Variants in NAMPT observed in about 807,000 individuals in gnomAD.
NAMPT encodes nicotinamide phosphoribosyltransferase.
A neutral mutation model predicts 58.7 loss-of-function variants in NAMPT; 7 were observed. The ratio of observed to expected loss-of-function variants is 0.12; its 90% CI spans 0.07 to 0.22. The LOEUF (loss-of-function observed/expected upper bound fraction) is 0.22, where lower values mean the gene tolerates loss of function less well. Ranked by LOEUF, NAMPT falls within the 10% of genes least tolerant of loss-of-function variation. NAMPT has a pLI of 1.00. For synonymous variants in NAMPT, 145 were observed against 198.1 expected (o/e 0.73, Z 2.25); for missense variants, 271 against 567.9 (o/e 0.48, Z 5.31).
Position 106,253,002 on chromosome 7 carries a change from A to G in NAMPT, c.1365+15T>C. 6.2e-7 allele frequency: 1 copy of G among 1,605,262 alleles called. No individual in the cohort carries two copies. On this transcript the variant is annotated intron_variant, in intron 10 of 10. Coordinates refer to ENST00000222553, the MANE Select transcript of NAMPT (RefSeq NM_005746.3). Reference sequence around the variant, plus strand: ...CTACTATTGCTTAAAAAAACCAATCAGCATAGATACATACCTGACCATATT... The same window carrying G: ...CTACTATTGCTTAAAAAAACCAATCGGCATAGATACATACCTGACCATATT...
intron 8 of NAMPT, chr7:106,261,363 C>A (rs1586015488): frequency 4.9e-6 from 2 of 407,750 alleles, no homozygotes; most frequent in Non-Finnish European, 9.0e-6. Context: ...TTAGATTCAT[C>A]ATTCAGGGTG....
intron 10 of NAMPT, among the ~76,000 whole-genome samples, 195 bp from the exon 11 acceptor site, chr7:106,251,388 T>C (rs10279997): frequency 0.012 from 1,824 of 152,238 alleles, 42 homozygotes; most frequent in African/African-American, 0.042. Flanking sequence ...AGTTGCCTGG[T>C]ATGTAGAAAT....
chr7:106,259,576 T>C (rs1053530610), intron 8 of NAMPT, among the ~76,000 whole-genome samples: 2 of 151,932 alleles, frequency 1.3e-5, no homozygotes, highest in African/African-American at 4.8e-5. Flanking sequence ...AGGCATGCAT[T>C]GCCCCACCCA....
upstream of NAMPT, chr7:106,285,293 C>T (rs963208819): frequency 3.2e-5 from 22 of 693,638 alleles, no homozygotes; most frequent in East Asian, 1.6e-3. Context: ...GCGGGGCAGC[C>T]CCGGCGCGTG....
At chr7:106,279,125 T>C (rs1340196513) in intron 1 of NAMPT, among the ~76,000 whole-genome samples, 2 of 152,094 alleles carry the variant, frequency 1.3e-5, no homozygotes, top group African/African-American at 2.4e-5. Flanking sequence ...ATTTATAATT[T>C]TAAAGCTTCA....
intron 10 of NAMPT, 23 bp from the exon 11 acceptor site, chr7:106,251,216 AT>A (rs758269010): frequency 8.3e-6 from 12 of 1,444,032 alleles, no homozygotes; most frequent in Non-Finnish European, 1.2e-5. Context: ...AAATTTCATG[AT>A]TATATTACAT....
chr7:106,259,789 T>C (rs1473025462), intron 8 of NAMPT, among the ~76,000 whole-genome samples: 1 of 152,152 alleles, frequency 6.6e-6, no homozygotes, highest in South Asian at 2.1e-4. Flanking sequence ...GAACGGACGT[T>C]GTGTTAGCAG....
rs1418366667 is a variant in NAMPT, at chr7:106,250,796, A to T, written c.*287T>A. ...TTTATGTGATCATCAGTTATATATA[A>T]AAGTTTCTCAGTTCTGTTATTTGTG... On this transcript the variant is annotated 3_prime_UTR_variant, in exon 11 of 11. Transcript: ENST00000222553. 3.1e-6 allele frequency: 1 copy of T among 321,914 alleles called. No homozygotes were observed. The highest frequency in any genetic ancestry group is 2.2e-5 in the African/African-American group (1 of 45,754). The allele number at this position is 321,914 out of a possible 1,614,324, so 19.9% of individuals were successfully genotyped here. A position where few individuals can be genotyped will look rare whatever the true frequency, so the allele number is the denominator to read the frequency against.
At chr7:106,272,837 AATT>A (rs759439061) in intron 3 of NAMPT, among the ~76,000 whole-genome samples, 179 bp from the exon 4 acceptor site, 3 of 152,228 alleles carry the variant, frequency 2.0e-5, no homozygotes, top group Non-Finnish European at 2.9e-5. Context: ...AACTAGTTAA[AATT>A]ATTAACATAC....
At chr7:106,257,069 G>A (rs900013989) in intron 8 of NAMPT, among the ~76,000 whole-genome samples, 4 of 151,528 alleles carry the variant, frequency 2.6e-5, no homozygotes, top group African/African-American at 7.3e-5. Flanking sequence ...CCAGCTACCC[G>A]AGAAGCAGAG....
intron 2 of NAMPT, chr7:106,276,720 TA>T: frequency 2.1e-5 from 6 of 287,542 alleles, no homozygotes; most frequent in South Asian, 1.0e-4. Flanking sequence ...TGCATGCCTG[TA>T]ATCCCATCTA....
Position 106,281,667 on chromosome 7 carries a change from A to C in NAMPT, c.57+3161T>G, listed in dbSNP as rs1444208552. Among the ~76,000 whole-genome samples, 5 of 152,230 alleles carry C rather than the reference A, an allele frequency of 3.3e-5. No individual in the cohort carries two copies. In the South Asian group the frequency reaches 8.3e-4, roughly 25 times the overall value. The stretch of plus-strand genomic sequence containing the variant: ...TTTCAGTATTATTTAAGATTTCTTA[A>C]ACCCTGGAAATCTGTCTGTTGCCCC... On this transcript the variant is annotated intron_variant, in intron 1 of 10. Coordinates refer to ENST00000222553, the MANE Select transcript of NAMPT (RefSeq NM_005746.3).
At position 106,269,104 on chromosome 7, in the gene NAMPT, C is replaced by A. The variant is rs1586020791; in HGVS notation, c.606+50G>T. 3.3e-6 allele frequency: 5 copies of A among 1,538,204 alleles called. 1 individual carries two copies. The highest frequency in any genetic ancestry group is 8.8e-7 in the Non-Finnish European group (1 of 1,136,786). ...GTCCCCAAAAGTTTACAGTGGTACT[C>A]TAACCAACAATCCACATTATATTAA... is the stretch of plus-strand genomic sequence containing the variant. On this transcript the variant is annotated intron_variant, in intron 5 of 10. Transcript: ENST00000222553.
Position 106,270,721 on chromosome 7 carries a change from T to A in NAMPT, c.448-1409A>T, listed in dbSNP as rs541833012. On this transcript the variant is annotated intron_variant, in intron 4 of 10. Coordinates refer to ENST00000222553, the MANE Select transcript of NAMPT (RefSeq NM_005746.3). The stretch of plus-strand genomic sequence containing the variant: ...CCTCTTCTGGAGTGAGACCCGGTAG[T>A]CCCAGCTATCTGACCTGAGGCCCCA... Among the ~76,000 whole-genome samples, 133 of 152,238 alleles carry A rather than the reference T, an allele frequency of 8.7e-4. 1 individual carries two copies. Among genetic ancestry groups the A allele is most frequent in the African/African-American group, 3.1e-3 (129 of 41,530 alleles).
intron 2 of NAMPT, 132 bp downstream of exon 2, chr7:106,276,891 G>A: frequency 3.9e-5 from 27 of 683,968 alleles, no homozygotes; most frequent in South Asian, 4.2e-5. Context: ...CTCATACTTA[G>A]AACATCAAAC....
chr7:106,263,322 A>T (rs1421845192), intron 7 of NAMPT, 70 bp downstream of exon 7: 1 of 1,116,184 alleles, frequency 9.0e-7, no homozygotes. Context: ...GTGTATATAA[A>T]TGAAAAGTAG....
At chr7:106,257,301 T>G (rs1225560909) in intron 8 of NAMPT, among the ~76,000 whole-genome samples, 1 of 151,962 alleles carries the variant, frequency 6.6e-6, no homozygotes, top group Non-Finnish European at 1.5e-5. Flanking sequence ...TGTACAGTTT[T>G]GGGCTGATTC....
At chr7:106,285,397 G>A, upstream of NAMPT, 1 of 462,504 alleles carries the variant, frequency 2.2e-6, no homozygotes, top group Non-Finnish European at 2.9e-6. Context: ...GCCACGAGGA[G>A]CCGGTTCGCC....
upstream of NAMPT, chr7:106,285,497 C>T: frequency 3.1e-6 from 3 of 965,036 alleles, no homozygotes; most frequent in Non-Finnish European, 3.7e-6. Flanking sequence ...GGGCGAGGAG[C>T]CTCCTACTGC....
Sources: allele counts gnomAD v4.1 joint callset (sites outside exome capture counted in the v4.1 genomes callset), GRCh38; gene constraint gnomAD v4.1.1; transcripts MANE v1.5; gene names NCBI Gene and HGNC (gene_info 2026-07-23, HGNC 2026-07-21).